The following HMGA2 variants were observed in gnomAD, a reference collection of about 807,000 sequenced individuals.
The protein encoded by HMGA2 is high mobility group AT-hook 2, also known as high mobility group protein HMGI-C.
A neutral mutation model predicts 19.1 loss-of-function variants in HMGA2; 8 were observed. The observed-to-expected ratio is 0.42, with a 90% CI of 0.25 to 0.76. The LOEUF (loss-of-function observed/expected upper bound fraction) is 0.76, where lower values mean the gene tolerates loss of function less well. Among genes scored for constraint, HMGA2 ranks in the 30% least tolerant of loss-of-function variants. HMGA2 has a pLI of 0.28. For missense variants in HMGA2, 109 were observed against 136.3 expected (o/e 0.80, Z 1.00); for synonymous variants, 60 against 48.8 (o/e 1.23, Z -0.96).
intron 3 of HMGA2, among the ~76,000 whole-genome samples, chr12:65,888,393 T>C (rs1873749303): frequency 1.3e-5 from 2 of 151,160 alleles, no homozygotes; most frequent in African/African-American, 4.9e-5. Flanking sequence ...AGGTGGAGGT[T>C]GCAGCTAGCC....
chr12:65,902,174 T>C (rs1874398948), intron 3 of HMGA2, among the ~76,000 whole-genome samples: 1 of 152,186 alleles, frequency 6.6e-6, no homozygotes, highest in Non-Finnish European at 1.5e-5. Context: ...GAGTTTTTTT[T>C]TTCTTTCCAA....
chr12:65,833,442 G>A (rs1460852092), intron 2 of HMGA2, among the ~76,000 whole-genome samples: 1 of 149,872 alleles, frequency 6.7e-6, no homozygotes, highest in Non-Finnish European at 1.5e-5. Context: ...CAGATGCACT[G>A]ATGGATTTGC....
intron 3 of HMGA2, among the ~76,000 whole-genome samples, chr12:65,900,230 T>C (rs2121172527): frequency 6.6e-6 from 1 of 152,328 alleles, no homozygotes; most frequent in South Asian, 2.1e-4. Flanking sequence ...GAAAGGCCAC[T>C]AATTATCAGC....
intron 3 of HMGA2, among the ~76,000 whole-genome samples, chr12:65,928,777 A>G (rs1460709864): frequency 2.6e-5 from 4 of 152,194 alleles, no homozygotes. Flanking sequence ...AGGCAATAGG[A>G]ATTTTTCAAC....
At chr12:65,846,255 T>C (rs143458943) in intron 3 of HMGA2, among the ~76,000 whole-genome samples, 2 of 152,368 alleles carry the variant, frequency 1.3e-5, no homozygotes, top group African/African-American at 2.4e-5. Flanking sequence ...AGAGTCCCTT[T>C]TGAGCATTTC....
intron 3 of HMGA2, among the ~76,000 whole-genome samples, chr12:65,887,593 C>T (rs1010770153): frequency 2.6e-5 from 4 of 151,808 alleles, no homozygotes; most frequent in African/African-American, 4.8e-5. Flanking sequence ...CATGGTGGTG[C>T]GAGCCTGTAG....
intron 3 of HMGA2, among the ~76,000 whole-genome samples, chr12:65,919,535 T>C (rs1875228413): frequency 6.6e-6 from 1 of 152,244 alleles, no homozygotes; most frequent in Admixed American, 6.5e-5. Context: ...AAGAAAAATG[T>C]TAAATTCATG....
chr12:65,895,414 G>A (rs1425833960), intron 3 of HMGA2, among the ~76,000 whole-genome samples: 2 of 152,052 alleles, frequency 1.3e-5, no homozygotes, highest in East Asian at 3.9e-4. Context: ...ATTACCTGAG[G>A]CTTTAGGTTT....
At position 65,896,072 on chromosome 12, in the gene HMGA2, G is replaced by A. The variant is rs563235384; in HGVS notation, c.250-55311G>A. The stretch of plus-strand genomic sequence containing the variant: ...TCCTGTTGAGAATCTCCAAGGTTAT[G>A]CAATACTATAAAATGGTGGTTTGAG... On this transcript the variant is annotated intron_variant, in intron 3 of 4. Transcript: ENST00000403681. Among the ~76,000 whole-genome samples the A allele has an allele frequency of 7.9e-4, 121 of 152,294 alleles. No homozygotes were observed. The Middle Eastern group carries it at 0.014, about 17-fold the overall frequency.
At chr12:65,960,266 C>T (rs1876716359) in intron 4 of HMGA2, among the ~76,000 whole-genome samples, 1 of 152,172 alleles carries the variant, frequency 6.6e-6, no homozygotes, top group South Asian at 2.1e-4. Flanking sequence ...AGAAACAGGA[C>T]TCTTTGGGGA....
At chr12:65,946,690 T>C (rs998821843) in intron 3 of HMGA2, among the ~76,000 whole-genome samples, 4 of 152,152 alleles carry the variant, frequency 2.6e-5, no homozygotes, top group Non-Finnish European at 4.4e-5. Flanking sequence ...GAACCATAGA[T>C]TGTATTCTTA....
chr12:65,844,544 G>C (rs1871154181), intron 3 of HMGA2, among the ~76,000 whole-genome samples: 3 of 152,138 alleles, frequency 2.0e-5, no homozygotes, highest in Non-Finnish European at 4.4e-5. Flanking sequence ...ATATCTAAAA[G>C]TGAAGAATTG....
chr12:65,940,476 G>T (rs1876053836), intron 3 of HMGA2, among the ~76,000 whole-genome samples: 1 of 152,080 alleles, frequency 6.6e-6, no homozygotes, highest in Non-Finnish European at 1.5e-5. Context: ...ATATTAAAAT[G>T]CAGTTTTTCT....
intron 3 of HMGA2, among the ~76,000 whole-genome samples, chr12:65,920,237 C>T (rs1021371427): frequency 2.0e-5 from 3 of 152,040 alleles, no homozygotes; most frequent in African/African-American, 4.8e-5. Context: ...GCACAGGAAA[C>T]GCTTGCCTCT....
At chr12:65,888,552 C>CCCTT in intron 3 of HMGA2, among the ~76,000 whole-genome samples, 1 of 90,304 alleles carries the variant, frequency 1.1e-5, no homozygotes, top group South Asian at 4.3e-4. Context: ...CCGTGGTGTG[C>CCCTT]TCTTTTTTTT....
intron 4 of HMGA2, 83 bp from the exon 5 acceptor site, chr12:65,963,162 C>G (rs1218396516): frequency 7.8e-7 from 1 of 1,284,430 alleles, no homozygotes; most frequent in African/African-American, 1.5e-5. Context: ...GCTGTGGAAA[C>G]AGGTTACCTC....
At chr12:65,826,399 G>A (rs904442605) in intron 1 of HMGA2, 1 of 152,336 alleles carries the variant, frequency 6.6e-6, no homozygotes, top group African/African-American at 2.4e-5. Flanking sequence ...CAGAGTTGGA[G>A]CGGGATATGT....
rs530390371 is a variant in HMGA2 at position 65,859,977 on chromosome 12, C to T, written c.249+21408C>T. ...GTGTGGTGGCACACACCTATAGTCC[C>T]AGCTACTCGGGAGGCTGAGGTGGGA... is the stretch of plus-strand genomic sequence containing the variant. On this transcript the variant is annotated intron_variant, in intron 3 of 4. Coordinates refer to ENST00000403681, the MANE Select transcript of HMGA2 (RefSeq NM_003483.6). 87 of 435,554 alleles carry T rather than the reference C, an allele frequency of 2.0e-4. No homozygotes were observed. In the Middle Eastern group the frequency reaches 2.2e-3, roughly 11 times the overall value. 27.0% of individuals were successfully genotyped at this position (435,554 alleles called of 1,614,324 possible). A position where few individuals can be genotyped will look rare whatever the true frequency, so the allele number is the denominator to read the frequency against.
intron 3 of HMGA2, among the ~76,000 whole-genome samples, chr12:65,861,842 G>A (rs1457863271): frequency 6.8e-6 from 1 of 146,162 alleles, no homozygotes; most frequent in Non-Finnish European, 1.5e-5. Context: ...TGTGCAACAT[G>A]TTTCTTTTTT....
Sources: gnomAD v4.1 joint callset for allele counts (sites outside exome capture counted in the v4.1 genomes callset) on GRCh38, gnomAD v4.1.1 for gene constraint, MANE v1.5 for transcripts, NCBI Gene and HGNC (gene_info 2026-07-23, HGNC 2026-07-21) for gene names.